Variants in MGAT4C observed in about 807,000 individuals in gnomAD.
The protein encoded by MGAT4C is alpha-1,3-mannosyl-glycoprotein 4-beta-N-acetylglucosaminyltransferase C.
Under a neutral mutation model 40.1 loss-of-function variants are expected in MGAT4C, and 19 were observed. The observed-to-expected ratio is 0.47, with a 90% CI of 0.33 to 0.70. The LOEUF (loss-of-function observed/expected upper bound fraction) is 0.70. Ranked by LOEUF, MGAT4C falls within the 30% of genes least tolerant of loss-of-function variation. The pLI, the probability that MGAT4C is intolerant of heterozygous loss-of-function variation, is 0.02. For missense variants in MGAT4C, 491 were observed against 563.2 expected, an observed-to-expected ratio of 0.87 and a Z score of 1.30; for synonymous variants, 181 against 187.1, an observed-to-expected ratio of 0.97 and a Z score of 0.27.
At chr12:86,579,009 C>T (rs571792727) in intron 2 of MGAT4C, among the ~76,000 whole-genome samples, 171 of 151,552 alleles carry the variant, frequency 1.1e-3, no homozygotes, top group Admixed American at 3.4e-3. Flanking sequence ...TTTTCATTGG[C>T]ATTGAATACA....
intron 2 of MGAT4C, among the ~76,000 whole-genome samples, chr12:86,623,225 C>A (rs1449171035): frequency 2.0e-5 from 3 of 152,056 alleles, no homozygotes; most frequent in Admixed American, 2.0e-4. Context: ...ATATAAACAT[C>A]ATAGATCAGG....
At chr12:86,058,812 C>T (rs1368642144) in intron 1 of MGAT4C, among the ~76,000 whole-genome samples, 1 of 151,932 alleles carries the variant, frequency 6.6e-6, no homozygotes, top group Non-Finnish European at 1.5e-5. Context: ...TTTTATTTAT[C>T]TTTTAGATGT....
chr12:86,023,132 T>A (rs1011826452), intron 2 of MGAT4C, among the ~76,000 whole-genome samples: 15 of 152,150 alleles, frequency 9.9e-5, no homozygotes, highest in Non-Finnish European at 1.9e-4. Context: ...CAGACTTCTA[T>A]TCTGTAATAA....
At chr12:86,120,116 T>C (rs1372000236) in intron 1 of MGAT4C, among the ~76,000 whole-genome samples, 8 of 151,526 alleles carry the variant, frequency 5.3e-5, no homozygotes, top group African/African-American at 1.7e-4. Flanking sequence ...ATGTTACCTT[T>C]ACAGAAAAAA....
intron 1 of MGAT4C, among the ~76,000 whole-genome samples, chr12:86,830,382 G>A (rs1952898002): frequency 6.6e-6 from 1 of 151,666 alleles, no homozygotes; most frequent in Non-Finnish European, 1.5e-5. Flanking sequence ...TTCGGTACCT[G>A]TAAGGCTGTA....
intron 1 of MGAT4C, among the ~76,000 whole-genome samples, chr12:86,814,780 A>C (rs1167101212): frequency 6.6e-6 from 1 of 151,974 alleles, no homozygotes; most frequent in Non-Finnish European, 1.5e-5. Flanking sequence ...GAGCCACCTT[A>C]CCTTTTCCAC....
intron 2 of MGAT4C, among the ~76,000 whole-genome samples, chr12:86,587,355 G>A (rs942672034): frequency 1.3e-5 from 2 of 152,052 alleles, no homozygotes; most frequent in African/African-American, 2.4e-5. Context: ...GGTTACTGTA[G>A]CCTTGTAGTA....
chr12:86,258,167 T>C (rs1181333461), upstream of MGAT4C, among the ~76,000 whole-genome samples: 1 of 152,056 alleles, frequency 6.6e-6, no homozygotes, highest in Non-Finnish European at 1.5e-5. Flanking sequence ...AAAAATAATG[T>C]TGCAAATTAA....
intron 1 of MGAT4C, among the ~76,000 whole-genome samples, chr12:86,180,026 A>C (rs970601369): frequency 1.1e-4 from 17 of 152,166 alleles, no homozygotes; most frequent in African/African-American, 4.1e-4. Flanking sequence ...AGGAAAAAAC[A>C]GTTTTGTGGG....
At chr12:86,440,340 A>AT (rs1957204553) in intron 2 of MGAT4C, among the ~76,000 whole-genome samples, 1 of 152,080 alleles carries the variant, frequency 6.6e-6, no homozygotes, top group Admixed American at 6.6e-5. Context: ...AAACTGACAA[A>AT]TGTGATTCAC....
At chr12:86,538,338 C>A (rs1003378115) in intron 2 of MGAT4C, among the ~76,000 whole-genome samples, 3 of 151,904 alleles carry the variant, frequency 2.0e-5, no homozygotes, top group Non-Finnish European at 4.4e-5. Flanking sequence ...GGCAGGGATC[C>A]AAGGAAAGAA....
intron 1 of MGAT4C, among the ~76,000 whole-genome samples, chr12:86,179,773 G>A (rs1321582117): frequency 6.6e-6 from 1 of 152,148 alleles, no homozygotes; most frequent in Non-Finnish European, 1.5e-5. Flanking sequence ...AGTGACTTGG[G>A]TGCTGTTAAA....
chr12:86,526,512 T>C (rs1409217443), intron 2 of MGAT4C, among the ~76,000 whole-genome samples: 1 of 151,984 alleles, frequency 6.6e-6, no homozygotes, highest in African/African-American at 2.4e-5. Context: ...TGGTCAGGAA[T>C]GGTCTAGTAG....
intron 2 of MGAT4C, among the ~76,000 whole-genome samples, chr12:86,696,749 A>C (rs1286336198): frequency 1.3e-5 from 2 of 152,204 alleles, no homozygotes; most frequent in Non-Finnish European, 2.9e-5. Context: ...TCAAAATAAC[A>C]CTGGTCATGT....
At chr12:85,986,983 A>G (rs867534465) in intron 3 of MGAT4C, among the ~76,000 whole-genome samples, 1 of 152,102 alleles carries the variant, frequency 6.6e-6, no homozygotes, top group South Asian at 2.1e-4. Context: ...GTTAAAAAAC[A>G]TCCGTCAGTA....
intron 2 of MGAT4C, among the ~76,000 whole-genome samples, chr12:86,467,608 T>G (rs989738400): frequency 6.6e-6 from 1 of 152,182 alleles, no homozygotes; most frequent in Non-Finnish European, 1.5e-5. Context: ...AGATATAATT[T>G]AGATATATAT....
chr12:86,026,423 T>C (rs1422806415), intron 2 of MGAT4C, among the ~76,000 whole-genome samples: 1 of 151,828 alleles, frequency 6.6e-6, no homozygotes, highest in African/African-American at 2.4e-5. Flanking sequence ...TTTTGTTTCT[T>C]TCACTATATC....
chr12:86,603,547 AGATAAT>A lies in MGAT4C; in HGVS notation c.-229+123656_-229+123661del, dbSNP rs1565878138. 1.7e-3 allele frequency among the ~76,000 whole-genome samples: 7 copies of A among 4,030 alleles called. 1 individual carries two copies. Among genetic ancestry groups the A allele is most frequent in the African/African-American group, 2.1e-3 (7 of 3,348 alleles). 2.6% of individuals were successfully genotyped at this position (4,030 alleles called of 152,430 possible). A position where few individuals can be genotyped will look rare whatever the true frequency, so the allele number is the denominator to read the frequency against. On this transcript the variant is annotated intron_variant, in intron 2 of 7. Transcript: ENST00000548651. The stretch of plus-strand genomic sequence containing the variant: ...AGACTATATATAGTCTATAGACTAT[AGATAAT>A]ATATAGTCTATAGACTATAGATAAT...
At chr12:86,709,302 G>A (rs112453842) in intron 2 of MGAT4C, among the ~76,000 whole-genome samples, 1 of 152,124 alleles carries the variant, frequency 6.6e-6, no homozygotes, top group South Asian at 2.1e-4. Flanking sequence ...CCCCAGCCAC[G>A]TGGAACTGTA....
Sources: allele counts gnomAD v4.1 joint callset (sites outside exome capture counted in the v4.1 genomes callset), GRCh38; gene constraint gnomAD v4.1.1; transcripts MANE v1.5; gene names NCBI Gene and HGNC (gene_info 2026-07-23, HGNC 2026-07-21).